Variants in IRAK1 observed in about 807,000 individuals in gnomAD.
The protein encoded by IRAK1 is interleukin 1 receptor associated kinase 1, also known as interleukin-1 receptor-associated kinase 1.
Under a neutral mutation model 49.8 loss-of-function variants are expected in IRAK1, and 9 were observed. The ratio of observed to expected loss-of-function variants is 0.18; its 90% confidence interval spans 0.11 to 0.32. The LOEUF (loss-of-function observed/expected upper bound fraction) is 0.32, where lower values mean the gene tolerates loss of function less well. Among genes scored for constraint, IRAK1 ranks in the 10% least tolerant of loss-of-function variants. The probability of loss-of-function intolerance (pLI) is 1.00; values close to 1 mark genes in which losing one functional copy is unlikely to be tolerated. For missense variants in IRAK1, 418 were observed against 600.5 expected, an observed-to-expected ratio of 0.70 and a Z score of 3.18; for synonymous variants, 282 against 270.8, an observed-to-expected ratio of 1.04 and a Z score of -0.41.
In IRAK1 at chrX:154,019,657, G is replaced by A. The variant is rs781959032; in HGVS notation, c.136+20C>T. ...GGAGCCCGCGCGCCTCCCGCCCCCC[G>A]GCAGCCCGCCGCCACCCACCGAACT... On this transcript the variant is annotated intron_variant, in intron 1 of 13. Transcript: ENST00000369980. 2.3e-4 allele frequency: 220 copies of A among 958,119 alleles called. 1 individual carries two copies. The highest frequency in any genetic ancestry group is 1.6e-4 in the Admixed American group (3 of 18,314). 79.0% of individuals were successfully genotyped at this position (958,119 alleles called of 1,213,427 possible).
At position 154,017,084 on chromosome X, in the gene IRAK1, G is replaced by C; in HGVS notation, c.910-17C>G. The C allele has an allele frequency of 9.6e-7, 1 of 1,047,048 alleles. No homozygotes were observed. The highest frequency in any genetic ancestry group is 1.3e-6 in the Non-Finnish European group (1 of 745,324). 86.3% of individuals were successfully genotyped at this position (1,047,048 alleles called of 1,213,427 possible). ...GGCCTGGGTCTGGGGTGGCAAAGGG[G>C]GACAGGGGAGGTTGCTGGATGGCCG... On this transcript the variant is annotated splice_polypyrimidine_tract_variant and intron_variant, in intron 7 of 13. Coordinates refer to ENST00000369980, the MANE Select transcript of IRAK1 (RefSeq NM_001569.4).
chrX:154,011,380 G>T lies in IRAK1; in HGVS notation c.*479C>A, dbSNP rs782722587. The stretch of plus-strand genomic sequence containing the variant: ...GCTGGGATTACAGGCGTGAGCCACC[G>T]CACCCGGCCACACTTTTCCAAATTG... On this transcript the variant is annotated 3_prime_UTR_variant, in exon 14 of 14. Transcript: ENST00000369980. 1.6e-5 allele frequency: 4 copies of T among 245,245 alleles called. No individual in the cohort carries two copies. In the East Asian group the frequency reaches 4.2e-4, roughly 26 times the overall value. 20.2% of individuals were successfully genotyped at this position (245,245 alleles called of 1,213,427 possible).
At chrX:154,012,761 C>A in intron 12 of IRAK1, 83 bp from the exon 13 acceptor site, 1 of 1,049,719 alleles carries the variant, frequency 9.5e-7, no homozygotes, top group East Asian at 3.1e-5. Context: ...TGGCCTCAGG[C>A]CTGAATTCCT....
chrX:154,011,903 G>T lies in IRAK1; in HGVS notation c.2095C>A (p.Gln699Lys). Residue 699 changes from glutamine (Q) to lysine (K), a missense_variant, in exon 14 of 14, where the codon CAG becomes AAG. This residue lies in a region of IRAK1 where 377 missense variants were observed against 499.5 expected (regional missense o/e 0.75). Transcript: ENST00000369980. Reference protein sequence around the residue: ...SSSLPGLGLEQDRQGPEESDE... With the variant: ...SSSLPGLGLEKDRQGPEESDE... ...CTTTCTTCGGGCCCCTGCCTGTCCT[G>T]TTCCAGGCCCAAGCCTACAGAAGGA... The T allele has an allele frequency of 8.3e-7, 1 of 1,210,183 alleles. No homozygotes were observed.
chrX:154,016,345 T>C (rs2065738535), intron 9 of IRAK1, 92 bp downstream of exon 9: 2 of 895,886 alleles, frequency 2.2e-6, no homozygotes, highest in African/African-American at 1.9e-5. Flanking sequence ...TCTTGGCAGA[T>C]GGCCCCTGGC....
intron 6 of IRAK1, 65 bp downstream of exon 6, chrX:154,018,226 C>T: frequency 2.8e-6 from 3 of 1,072,041 alleles, no homozygotes; most frequent in Non-Finnish European, 3.8e-6. Flanking sequence ...CCCAAGGGAG[C>T]CAGGTCCTGT....
chrX:154,015,285 AC>A (rs1247120618), intron 10 of IRAK1, among the ~76,000 whole-genome samples: 1 of 110,704 alleles, frequency 9.0e-6, no homozygotes, highest in Non-Finnish European at 1.9e-5. Flanking sequence ...AAGTCCAAGG[AC>A]CCCCAAGGAG....
In IRAK1 at chrX:154,014,168, C is replaced by T. The variant is rs782215824; in HGVS notation, c.1413G>A (p.Met471Ile). ...AADAWAAPIA[M>I]QIYKKHLDPR... ...GGTCCAGGTGCTTCTTGTAGATCTG[C>T]ATGGCGATGGGAGCAGCCCAGGCAT... The change falls in exon 11 of 14, where the codon ATG (methionine) becomes ATA (isoleucine). Residue 471 changes from methionine (M) to isoleucine (I), a missense_variant. Met to Ile is a conservative substitution (Grantham distance 10). This residue lies in a region of IRAK1 where 377 missense variants were observed against 499.5 expected (regional missense o/e 0.75). Coordinates refer to ENST00000369980, the MANE Select transcript of IRAK1 (RefSeq NM_001569.4). 8.3e-7 allele frequency: 1 copy of T among 1,210,177 alleles called. No individual in the cohort carries two copies. The highest frequency in any genetic ancestry group is 1.1e-6 in the Non-Finnish European group (1 of 894,870).
intron 10 of IRAK1, among the ~76,000 whole-genome samples, chrX:154,015,010 G>A (rs2065728797): frequency 1.8e-5 from 2 of 111,503 alleles, no homozygotes; most frequent in Admixed American, 9.4e-5. Flanking sequence ...CGCCCCCAGG[G>A]TGGAAACAGG....
chrX:154,014,397 A>C, intron 10 of IRAK1, 119 bp from the exon 11 acceptor site: 2 of 691,013 alleles, frequency 2.9e-6, no homozygotes, highest in Non-Finnish European at 4.2e-6. Context: ...AAAAAAAGAG[A>C]TGGGGTCTCG....
rs1557127192 is a variant in IRAK1 at position 154,010,780 on chromosome X, T to C, written c.*1079A>G. The stretch of plus-strand genomic sequence containing the variant: ...TCTGCCTTCCAGGGGCTTCTCACTG[T>C]CTGGGTAACTAGGTCTTGGGCCTAG... On this transcript the variant is annotated 3_prime_UTR_variant, in exon 14 of 14. Coordinates refer to ENST00000369980, the MANE Select transcript of IRAK1 (RefSeq NM_001569.4). 3 of 246,111 alleles carry C rather than the reference T, an allele frequency of 1.2e-5. No homozygotes were observed. Among genetic ancestry groups the C allele is most frequent in the Admixed American group, 1.0e-4 (2 of 19,205 alleles). The allele number at this position is 246,111 out of a possible 1,213,427, so 20.3% of individuals were successfully genotyped here.
At position 154,014,414 on chromosome X, in the gene IRAK1, T is replaced by C. The variant is rs886344671; in HGVS notation, c.1303-136A>G. 1.5e-5 allele frequency: 10 copies of C among 654,181 alleles called. No individual in the cohort carries two copies. The African/African-American group carries it at 2.3e-4, about 15-fold the overall frequency. The allele number at this position is 654,181 out of a possible 1,213,427, so 53.9% of individuals were successfully genotyped here. A position where few individuals can be genotyped will look rare whatever the true frequency, so the allele number is the denominator to read the frequency against. ...AAAAAGAGATGGGGTCTCGCTTTGT[T>C]GGCCTGGCTGGTCTCCAAGTAGGCT... On this transcript the variant is annotated intron_variant, in intron 10 of 13. Transcript: ENST00000369980.
chrX:154,011,960 C>G, intron 13 of IRAK1, 43 bp from the exon 14 acceptor site: 1 of 1,103,951 alleles, frequency 9.1e-7, no homozygotes, highest in Non-Finnish European at 1.2e-6. Flanking sequence ...ATGGGGGAGG[C>G]TCCCCTACTG....
chrX:154,018,745 G>C lies in IRAK1; in HGVS notation c.583C>G (p.Pro195Ala). The change falls in exon 5 of 14, where the codon CCC becomes GCC. Residue 195 changes from proline (P) to alanine (A), a missense_variant. Pro to Ala is a conservative substitution (Grantham distance 27, BLOSUM62 -1). This residue lies in a region of IRAK1 where 377 missense variants were observed against 499.5 expected (regional missense o/e 0.75). Transcript: ENST00000369980. The part of the protein sequence containing the change: ...SSVSLLQGAR[P>A]FPFCWPLCEI... Reference sequence around the variant, plus strand: ...CAGAGGGGCCAGCAAAACGGAAAGGGGCGGGCTCCCTGCAGGAGGGACACT... The same window carrying C: ...CAGAGGGGCCAGCAAAACGGAAAGGCGCGGGCTCCCTGCAGGAGGGACACT... 1.0e-6 allele frequency: 1 copy of C among 976,781 alleles called. No individual in the cohort carries two copies. The highest frequency in any genetic ancestry group is 1.9e-5 in the South Asian group (1 of 52,295). 80.5% of individuals were successfully genotyped at this position (976,781 alleles called of 1,213,427 possible). A position where few individuals can be genotyped will look rare whatever the true frequency, so the allele number is the denominator to read the frequency against.
intron 7 of IRAK1, among the ~76,000 whole-genome samples, 169 bp downstream of exon 7, chrX:154,017,837 C>T (rs925036884): frequency 3.9e-5 from 4 of 103,724 alleles, no homozygotes; most frequent in Non-Finnish European, 5.9e-5. Flanking sequence ...TTGACCCCAC[C>T]GTGGGCCAAA....
chrX:154,017,045 G>A lies in IRAK1; in HGVS notation c.932C>T (p.Ser311Phe), dbSNP rs781871996. 3.3e-6 allele frequency: 4 copies of A among 1,207,692 alleles called. No individual in the cohort carries two copies. The East Asian group carries it at 1.2e-4, about 36-fold the overall frequency. The change falls in exon 8 of 14, where the codon TCC becomes TTC. Residue 311 changes from serine to phenylalanine, a missense_variant. Physicochemically the swap from Ser to Phe is radical, Grantham distance 155. This residue lies in a region of IRAK1 where 377 missense variants were observed against 499.5 expected (regional missense o/e 0.75). Coordinates refer to ENST00000369980, the MANE Select transcript of IRAK1 (RefSeq NM_001569.4). ...AAGGATGTCCAGTCGCTGAGGCCAG[G>A]AGAGAGGTGGGCAGGCCTGGGTCTG... ...HCQTQACPPL[S>F]WPQRLDILLG...
In IRAK1 at chrX:154,016,539, C is replaced by T. The variant is rs200672527; in HGVS notation, c.1134G>A (p.Val378=). 1 of 1,211,140 alleles carries T rather than the reference C, an allele frequency of 8.3e-7. No homozygotes were observed. The highest frequency in any genetic ancestry group is 3.0e-5 in the East Asian group (1 of 33,813). ...AGSSPSQSSM[V]ARTQTVRGTL... ...TGCCCCGCACTGTCTGTGTCCGGGC[C>T]ACCATGCTGCTCTGGCTGGGGCTGG... is the stretch of plus-strand genomic sequence containing the variant. The change falls in exon 9 of 14, where the codon GTG becomes GTA. Residue 378 remains valine, a synonymous_variant. Transcript: ENST00000369980.
rs2065692679 is a variant in IRAK1 at position 154,010,873 on chromosome X, C to T, written c.*986G>A. 2.2e-5 allele frequency: 7 copies of T among 323,084 alleles called. No homozygotes were observed. Among genetic ancestry groups the T allele is most frequent in the East Asian group, 2.0e-4 (2 of 10,109 alleles). The allele number at this position is 323,084 out of a possible 1,213,427, so 26.6% of individuals were successfully genotyped here. On this transcript the variant is annotated 3_prime_UTR_variant, in exon 14 of 14. Transcript: ENST00000369980. ...GGCCTGAGGCTGAGCTTGTGGCCTC[C>T]GAAGCCTGACCTGGCTCGGAGCTCG...
At chrX:154,014,986 G>A (rs1427230261) in intron 10 of IRAK1, among the ~76,000 whole-genome samples, 3 of 111,038 alleles carry the variant, frequency 2.7e-5, no homozygotes, top group Non-Finnish European at 5.7e-5. Context: ...AGAGAGAGGC[G>A]CCCCGCAGAG....
Sources: gnomAD v4.1 joint callset for allele counts (sites outside exome capture counted in the v4.1 genomes callset) on GRCh38, gnomAD v4.1.1 for gene constraint, gnomAD v4.1.1 regional missense constraint, MANE v1.5 for transcripts, NCBI Gene and HGNC (gene_info 2026-07-23, HGNC 2026-07-21) for gene names.